CLIC2: variants seen among roughly 807,000 people sequenced by gnomAD.
CLIC2 encodes CLIC family member 2.
A neutral mutation model predicts 14.8 loss-of-function variants in CLIC2; 9 were observed. That is an observed-to-expected ratio of 0.61 (90% CI 0.37 to 1.06). The LOEUF (loss-of-function observed/expected upper bound fraction) is 1.06, where lower values mean the gene tolerates loss of function less well. Ranked by LOEUF, CLIC2 falls within the 50% of genes least tolerant of loss-of-function variation. CLIC2 has a pLI of 0.01. For missense variants in CLIC2, 148 were observed against 181.4 expected (o/e 0.82, Z 1.06); for synonymous variants, 61 against 66.3 (o/e 0.92, Z 0.39).
chrX:155,302,340 C>T (rs1366936870), intron 1 of CLIC2, among the ~76,000 whole-genome samples: 32 of 109,504 alleles, frequency 2.9e-4, no homozygotes, highest in African/African-American at 1.1e-3. Flanking sequence ...TTATCCATTT[C>T]GTCTAGATTT....
intron 1 of CLIC2, among the ~76,000 whole-genome samples, chrX:155,311,997 G>A (rs1279677758): frequency 8.9e-6 from 1 of 111,807 alleles, no homozygotes; most frequent in African/African-American, 3.3e-5. Context: ...TACAATTCAA[G>A]ATGAAATTTG....
At chrX:155,327,762 C>T (rs1212303259) in intron 1 of CLIC2, among the ~76,000 whole-genome samples, 2 of 111,146 alleles carry the variant, frequency 1.8e-5, no homozygotes, top group African/African-American at 3.3e-5. Context: ...TGCACATGTA[C>T]CCCTGTACTT....
At chrX:155,304,770 A>T (rs6655067) in intron 1 of CLIC2, among the ~76,000 whole-genome samples, 13 of 71,142 alleles carry the variant, frequency 1.8e-4, no homozygotes, top group South Asian at 8.7e-4. Context: ...TGTGGATGTC[A>T]TTTCTGTTTG....
At chrX:155,300,480 CT>C (rs1233666699) in intron 1 of CLIC2, among the ~76,000 whole-genome samples, 1 of 111,475 alleles carries the variant, frequency 9.0e-6, no homozygotes, top group Non-Finnish European at 1.9e-5. Flanking sequence ...GATATTAGCC[CT>C]TTGTCAGATG....
Position 155,277,927 on chromosome X carries a change from T to A in CLIC2, c.720A>T (p.Ala240=). The A allele has an allele frequency of 1.7e-6, 2 of 1,210,106 alleles. No individual in the cohort carries two copies. The highest frequency in any genetic ancestry group is 1.8e-5 in the South Asian group (1 of 56,939). The stretch of plus-strand genomic sequence containing the variant: ...CCTAACTCTTCTGTTTAGCCACATT[T>A]GCGTAAGTATTTTCAATTTCTTTGT... ...PEDKEIENTY[A]NVAKQKS Residue 240 remains alanine, a synonymous_variant, in exon 6 of 6, where the codon GCA becomes GCT. Coordinates refer to ENST00000369449, the MANE Select transcript of CLIC2 (RefSeq NM_001289.6).
At chrX:155,301,487 A>G (rs1248606586) in intron 1 of CLIC2, among the ~76,000 whole-genome samples, 2 of 108,285 alleles carry the variant, frequency 1.8e-5, no homozygotes, top group African/African-American at 6.7e-5. Context: ...GGCTGAGACA[A>G]TGGGGTTTTC....
rs1249988922 is a variant in CLIC2 at position 155,280,853 on chromosome X, G to A, written c.294-785C>T. The stretch of plus-strand genomic sequence containing the variant: ...ACCCATTTGATAATGACTAGATGCA[G>A]AAAAGTATTCAATAAAAAATCAGCA... On this transcript the variant is annotated intron_variant, in intron 3 of 5. Transcript: ENST00000369449. Among the ~76,000 whole-genome samples the A allele has an allele frequency of 2.7e-5, 3 of 109,785 alleles. No individual in the cohort carries two copies. The Admixed American group carries it at 2.9e-4, about 11-fold the overall frequency.
Position 155,334,456 on chromosome X carries a change from C to T in CLIC2, c.-29G>A, listed in dbSNP as rs1557323119. ...TGTCTTTACTGCCAGTTGTCAGCCT[C>T]CTGCCTCCTGTAGAGTCCACAATAC... On this transcript the variant is annotated 5_prime_UTR_variant, in exon 1 of 6. Coordinates refer to ENST00000369449, the MANE Select transcript of CLIC2 (RefSeq NM_001289.6). 1 of 1,155,270 alleles carries T rather than the reference C, an allele frequency of 8.7e-7. No individual in the cohort carries two copies. Among genetic ancestry groups the T allele is most frequent in the South Asian group, 1.8e-5 (1 of 55,682 alleles).
chrX:155,298,242 A>T (rs1387450684), intron 3 of CLIC2, among the ~76,000 whole-genome samples: 1 of 111,972 alleles, frequency 8.9e-6, no homozygotes, highest in Non-Finnish European at 1.9e-5. Context: ...GTTTTAAGAT[A>T]CTAAGTTTGT....
chrX:155,334,307 C>T (rs973778421), intron 1 of CLIC2, 64 bp downstream of exon 1: 1 of 874,437 alleles, frequency 1.1e-6, no homozygotes, highest in Non-Finnish European at 1.7e-6. Context: ...TTTTTAAAGA[C>T]ATTGGACTTC....
chrX:155,328,882 T>C (rs2075147434), intron 1 of CLIC2, among the ~76,000 whole-genome samples: 1 of 110,757 alleles, frequency 9.0e-6, no homozygotes, highest in Non-Finnish European at 1.9e-5. Flanking sequence ...GGAAAGGTGC[T>C]GGGAAAACTG....
chrX:155,333,531 T>C (rs782321577), intron 1 of CLIC2, among the ~76,000 whole-genome samples: 9 of 110,762 alleles, frequency 8.1e-5, no homozygotes, highest in Non-Finnish European at 1.7e-4. Flanking sequence ...CTTATTATCC[T>C]GAATACTATC....
In CLIC2 at chrX:155,321,589, G is replaced by A. The variant is rs182836076; in HGVS notation, c.57+12782C>T. The stretch of plus-strand genomic sequence containing the variant: ...GCACTAAACATGGAAAGAAAAAACC[G>A]GTACCAGCAACTGCAAAAACATACC... On this transcript the variant is annotated intron_variant, in intron 1 of 5. Coordinates refer to ENST00000369449, the MANE Select transcript of CLIC2 (RefSeq NM_001289.6). Among the ~76,000 whole-genome samples, 216 of 112,823 alleles carry A rather than the reference G, an allele frequency of 1.9e-3. 4 individuals carry two copies. The East Asian group carries it at 0.038, about 20-fold the overall frequency.
At chrX:155,294,141 G>A (rs2074984724) in intron 3 of CLIC2, among the ~76,000 whole-genome samples, 1 of 111,833 alleles carries the variant, frequency 8.9e-6, no homozygotes, top group Admixed American at 9.5e-5. Flanking sequence ...CTCCAGGATG[G>A]ACCATATGTC....
intron 1 of CLIC2, among the ~76,000 whole-genome samples, chrX:155,299,947 A>G (rs372049561): frequency 8.2e-5 from 9 of 110,411 alleles, no homozygotes; most frequent in Non-Finnish European, 1.1e-4. Flanking sequence ...TGGTGTATAT[A>G]TGCCACATTT....
At chrX:155,303,427 G>T (rs1223720425) in intron 1 of CLIC2, among the ~76,000 whole-genome samples, 36 of 37,786 alleles carry the variant, frequency 9.5e-4, no homozygotes, top group East Asian at 1.4e-3. Context: ...GTTTTCCATT[G>T]GCTTGGTAGA....
At chrX:155,288,051 T>A (rs2074949316) in intron 3 of CLIC2, among the ~76,000 whole-genome samples, 1 of 112,130 alleles carries the variant, frequency 8.9e-6, no homozygotes, top group Non-Finnish European at 1.9e-5. Context: ...GGCTCTCAGC[T>A]TGGCTGATGT....
intron 1 of CLIC2, among the ~76,000 whole-genome samples, chrX:155,305,324 G>T (rs1557319879): frequency 8.9e-6 from 1 of 112,334 alleles, no homozygotes; most frequent in South Asian, 3.7e-4. Context: ...TTGGGTGGGA[G>T]TGATCCGATT....
intron 3 of CLIC2, chrX:155,290,847 C>T: frequency 1.5e-6 from 1 of 646,590 alleles, no homozygotes; most frequent in Non-Finnish European, 2.6e-6. Flanking sequence ...GGAAATGCTA[C>T]TCCTTGTAGT....
Sources: allele counts gnomAD v4.1 joint callset (sites outside exome capture counted in the v4.1 genomes callset), GRCh38; gene constraint gnomAD v4.1.1; transcripts MANE v1.5; gene names NCBI Gene and HGNC (gene_info 2026-07-23, HGNC 2026-07-21).